FAM98B: variants seen among roughly 807,000 people sequenced by gnomAD.
FAM98B encodes tRNA splicing ligase complex subunit 3B, also known as tRNA-splicing ligase complex subunit FAM98B.
In FAM98B, 32 loss-of-function variants were observed where a neutral mutation model predicts 43.9. The observed-to-expected ratio is 0.73, with a 90% CI of 0.55 to 0.98. FAM98B has a LOEUF of 0.98. Among genes scored for constraint, FAM98B ranks in the 50% least tolerant of loss-of-function variants. The pLI is 0.00. For synonymous variants in FAM98B, 190 were observed against 174.0 expected (o/e 1.09, Z -0.72); for missense variants, 514 against 522.9 (o/e 0.98, Z 0.17).
At chr15:38,458,922 G>A (rs118092507) in intron 1 of FAM98B, 5,503 of 432,538 alleles carry the variant, frequency 0.013, 57 homozygotes, top group Non-Finnish European at 0.018. Flanking sequence ...TCCAGGATGA[G>A]GGTTTTCCTC....
chr15:38,455,820 T>G (rs1460172844), intron 1 of FAM98B, among the ~76,000 whole-genome samples: 1 of 152,238 alleles, frequency 6.6e-6, no homozygotes, highest in Non-Finnish European at 1.5e-5. Context: ...TTCATTGCTA[T>G]AATCTTGATT....
At chr15:38,454,694 A>G (rs1436833992) in intron 1 of FAM98B, among the ~76,000 whole-genome samples, 1 of 152,190 alleles carries the variant, frequency 6.6e-6, no homozygotes, top group Non-Finnish European at 1.5e-5. Context: ...TTGACCGGAG[A>G]AAGTGTTGTA....
At chr15:38,454,402 T>A (rs879368979) in intron 1 of FAM98B, among the ~76,000 whole-genome samples, 170 bp downstream of exon 1, 2 of 152,018 alleles carry the variant, frequency 1.3e-5, no homozygotes, top group Non-Finnish European at 2.9e-5. Flanking sequence ...GGGAGAGAAA[T>A]CTATTTGGGG....
At chr15:38,470,122 A>G (rs944043325) in intron 3 of FAM98B, 105 bp from the exon 4 acceptor site, 2 of 980,238 alleles carry the variant, frequency 2.0e-6, no homozygotes, top group South Asian at 2.2e-5. Context: ...GTAAGTTGGC[A>G]TTATTGGTAT....
chr15:38,471,534 A>G (rs1264567901), intron 4 of FAM98B, among the ~76,000 whole-genome samples: 1 of 152,088 alleles, frequency 6.6e-6, no homozygotes, highest in Non-Finnish European at 1.5e-5. Flanking sequence ...TAACATTCTC[A>G]ATTACCTCTT....
chr15:38,484,742 T>A lies in FAM98B; in HGVS notation c.*83T>A. 6.8e-7 allele frequency: 1 copy of A among 1,470,024 alleles called. No homozygotes were observed. The highest frequency in any genetic ancestry group is 8.9e-7 in the Non-Finnish European group (1 of 1,121,378). The allele number at this position is 1,470,024 out of a possible 1,614,324, so 91.1% of individuals were successfully genotyped here. On this transcript the variant is annotated 3_prime_UTR_variant, in exon 8 of 8. Transcript: ENST00000397609. ...TTCCAAATAACATACTTGAATATCATCTTTGAAGTAAACACCATGTTAGAC... is the reference window on the plus strand; with the variant it reads ...TTCCAAATAACATACTTGAATATCAACTTTGAAGTAAACACCATGTTAGAC...
chr15:38,481,588 G>GT (rs1187135916), intron 7 of FAM98B, 129 bp downstream of exon 7: 1 of 1,608,282 alleles, frequency 6.2e-7, no homozygotes. Flanking sequence ...GGGGGGTTCA[G>GT]TCTAGGCTTA....
rs1223097571 is a variant in FAM98B, at chr15:38,454,190, C to T, written c.29C>T (p.Pro10Leu). MRGPEPGPQ[P>L]TMEGDVLDTL... ...AGAGGGCCGGAGCCGGGTCCCCAAC[C>T]GACGATGGAGGGAGACGTGCTGGAC... The change falls in exon 1 of 8, where the codon CCG becomes CTG. Residue 10 changes from proline to leucine, a missense_variant. By Grantham distance (98) the Pro-to-Leu change is moderately conservative. Around this residue, in one of 2 missense-constraint regions of FAM98B, gnomAD observed 469 missense variants for 451.8 expected, o/e 1.04. Transcript: ENST00000397609. The T allele has an allele frequency of 6.2e-7, 1 of 1,603,640 alleles. No individual in the cohort carries two copies. The highest frequency in any genetic ancestry group is 1.7e-5 in the Admixed American group (1 of 58,034).
Position 38,462,431 on chromosome 15 carries a change from C to A in FAM98B, c.72-1601C>A, listed in dbSNP as rs184153970. Among the ~76,000 whole-genome samples the A allele has an allele frequency of 3.2e-3, 489 of 152,176 alleles. 7 individuals carry two copies. Among genetic ancestry groups the A allele is most frequent in the African/African-American group, 0.011 (468 of 41,510 alleles). On this transcript the variant is annotated intron_variant, in intron 1 of 7. Coordinates refer to ENST00000397609, the MANE Select transcript of FAM98B (RefSeq NM_173611.4). ...AAAAATGAAATAAAAAGAAACAAAT[C>A]CCTACAAATTAAAGCTGAACAAAAC...
rs146563779 is a variant in FAM98B at position 38,466,824 on chromosome 15, C to T, written c.352+1421C>T. 1.4e-3 allele frequency among the ~76,000 whole-genome samples: 213 copies of T among 152,258 alleles called. 1 individual carries two copies. Among genetic ancestry groups the T allele is most frequent in the African/African-American group, 4.9e-3 (202 of 41,554 alleles). ...AAGAAGAAAAGCATTTATAATCTCA[C>T]TCCCTAGAGAGAATATTGTGTCTCT... On this transcript the variant is annotated intron_variant, in intron 3 of 7. Transcript: ENST00000397609.
At chr15:38,469,370 A>G (rs62002936) in intron 3 of FAM98B, among the ~76,000 whole-genome samples, 3 of 152,216 alleles carry the variant, frequency 2.0e-5, no homozygotes, top group Non-Finnish European at 2.9e-5. Flanking sequence ...TCCTGACTCA[A>G]ATTGCTCTAT....
chr15:38,463,966 G>A (rs2141053887), intron 1 of FAM98B, 66 bp from the exon 2 acceptor site: 1 of 1,435,614 alleles, frequency 7.0e-7, no homozygotes, highest in Admixed American at 2.3e-5. Context: ...CCTTGACACA[G>A]AGTGTTGGAG....
At chr15:38,468,397 A>T (rs1890072846) in intron 3 of FAM98B, among the ~76,000 whole-genome samples, 1 of 151,918 alleles carries the variant, frequency 6.6e-6, no homozygotes, top group South Asian at 2.1e-4. Flanking sequence ...GCAAATTTTT[A>T]AAAAATATTT....
intron 1 of FAM98B, among the ~76,000 whole-genome samples, chr15:38,458,547 G>GA: frequency 6.6e-6 from 1 of 152,274 alleles, no homozygotes; most frequent in Admixed American, 6.5e-5. Context: ...AACAACTCGG[G>GA]AGCAGGTAGT....
chr15:38,459,083 A>T, intron 1 of FAM98B: 1 of 342,452 alleles, frequency 2.9e-6, no homozygotes, highest in South Asian at 2.6e-5. Flanking sequence ...TGAAGGGAAC[A>T]CATTCAAAGA....
chr15:38,484,435 G>C lies in FAM98B; in HGVS notation c.1078G>C (p.Gly360Arg). The C allele has an allele frequency of 1.1e-6, 1 of 880,374 alleles. No homozygotes were observed. Among genetic ancestry groups the C allele is most frequent in the Non-Finnish European group, 1.4e-6 (1 of 734,896 alleles). The allele number at this position is 880,374 out of a possible 1,614,324, so 54.5% of individuals were successfully genotyped here. A position where few individuals can be genotyped will look rare whatever the true frequency, so the allele number is the denominator to read the frequency against. The change falls in exon 8 of 8, where the codon GGG becomes CGG. Residue 360 changes from glycine (G) to arginine (R), a missense_variant. Coordinates refer to ENST00000397609, the MANE Select transcript of FAM98B (RefSeq NM_173611.4). ...GGGTGGGGGTGGGAGAGGTGGCTGG[G>C]GGGGTGGAGGAGGAGGTTGGGGAGG... ...GGGGGGRGGW[G>R]GGGGGWGGGG... is the part of the protein sequence containing the mutation.
intron 6 of FAM98B, among the ~76,000 whole-genome samples, chr15:38,480,172 TGTA>T (rs1167432575): frequency 1.3e-5 from 2 of 152,190 alleles, no homozygotes; most frequent in Non-Finnish European, 2.9e-5. Flanking sequence ...ATTTTTATAA[TGTA>T]GTTGTTTTTA....
At chr15:38,474,349 C>T (rs759611968) in intron 6 of FAM98B, 51 bp downstream of exon 6, 1 of 1,262,482 alleles carries the variant, frequency 7.9e-7, no homozygotes, top group South Asian at 1.3e-5. Flanking sequence ...TATAACAGCT[C>T]TTCTGGCTTG....
intron 1 of FAM98B, among the ~76,000 whole-genome samples, chr15:38,459,987 C>T (rs535978311): frequency 6.6e-6 from 1 of 152,262 alleles, no homozygotes; most frequent in African/African-American, 2.4e-5. Flanking sequence ...AAGAAAGGGT[C>T]TTCTGTTTTA....
Sources: allele counts gnomAD v4.1 joint callset (sites outside exome capture counted in the v4.1 genomes callset), GRCh38; gene constraint gnomAD v4.1.1; regional missense constraint gnomAD v4.1.1; transcripts MANE v1.5; gene names NCBI Gene and HGNC (gene_info 2026-07-23, HGNC 2026-07-21).